Variants in CLIP1 observed in about 807,000 individuals in gnomAD.
The protein encoded by CLIP1 is CAP-Gly domain containing linker protein 1.
Under a neutral mutation model 161.6 loss-of-function variants are expected in CLIP1, and 66 were observed. The ratio of observed to expected loss-of-function variants is 0.41; its 90% CI spans 0.33 to 0.50. The LOEUF is 0.50. Among genes scored for constraint, CLIP1 ranks in the 20% least tolerant of loss-of-function variants. The pLI is 0.27. For missense variants in CLIP1, 1,376 were observed against 1,702.0 expected (o/e 0.81, Z 3.37); for synonymous variants, 598 against 626.2 (o/e 0.96, Z 0.67).
rs1466119431 is a variant in CLIP1, at chr12:122,272,830, A to C, written c.*45T>G. On this transcript the variant is annotated 3_prime_UTR_variant, in exon 26 of 26. Coordinates refer to ENST00000620786, the MANE Select transcript of CLIP1 (RefSeq NM_001247997.2). Reference sequence around the variant, plus strand: ...ACAATGCTGGTGTTACGTTGTGTCAATGCGAGTGCGTCTGAGCAAGCCCAG... The same window carrying C: ...ACAATGCTGGTGTTACGTTGTGTCACTGCGAGTGCGTCTGAGCAAGCCCAG... 3 of 1,527,696 alleles carry C rather than the reference A, an allele frequency of 2.0e-6. No individual in the cohort carries two copies. The highest frequency in any genetic ancestry group is 1.4e-5 in the African/African-American group (1 of 73,172). The allele number at this position is 1,527,696 out of a possible 1,614,324, so 94.6% of individuals were successfully genotyped here.
chr12:122,296,222 G>C (rs1412252533), intron 20 of CLIP1, among the ~76,000 whole-genome samples: 1 of 152,164 alleles, frequency 6.6e-6, no homozygotes, highest in African/African-American at 2.4e-5. Context: ...GACTATAAAG[G>C]AGGATAAGAG....
intron 1 of CLIP1, among the ~76,000 whole-genome samples, chr12:122,390,594 G>A (rs941858895): frequency 1.1e-4 from 16 of 151,920 alleles, no homozygotes; most frequent in Admixed American, 2.0e-4. Context: ...TTACAGGTGT[G>A]AGCCACTGCA....
At chr12:122,401,007 G>A (rs917269706) in intron 1 of CLIP1, 1 of 151,954 alleles carries the variant, frequency 6.6e-6, no homozygotes, top group Non-Finnish European at 1.5e-5. Flanking sequence ...CGCCTCTCGG[G>A]TTTAAGCAAT....
intron 1 of CLIP1, among the ~76,000 whole-genome samples, chr12:122,389,096 C>A (rs963698594): frequency 4.6e-5 from 7 of 152,128 alleles, no homozygotes; most frequent in African/African-American, 1.7e-4. Flanking sequence ...GGCTCAAGGG[C>A]AAACTCAGGC....
At chr12:122,303,997 G>C (rs941942887) in intron 20 of CLIP1, among the ~76,000 whole-genome samples, 1 of 152,168 alleles carries the variant, frequency 6.6e-6, no homozygotes, top group Non-Finnish European at 1.5e-5. Context: ...GGGGGTACCC[G>C]CCCGGACTGC....
intron 3 of CLIP1, among the ~76,000 whole-genome samples, chr12:122,368,790 G>A (rs1954287902): frequency 6.6e-6 from 1 of 151,844 alleles, no homozygotes; most frequent in South Asian, 2.1e-4. Flanking sequence ...AATTAGTCGG[G>A]CATGGTGGCA....
rs1437033925 is a variant in CLIP1, at chr12:122,279,095, T to G, written c.3698A>C (p.Lys1233Thr). The G allele has an allele frequency of 1.9e-6, 3 of 1,613,124 alleles. No individual in the cohort carries two copies. The highest frequency in any genetic ancestry group is 2.5e-6 in the Non-Finnish European group (3 of 1,179,804). ...DADEEKASLQ[K>T]SISITSALLT... ...TAAGGCACTAGTTATACTGATGGAT[T>G]TCTGCAAGGAAGCTTTCTCTTCATC... The change falls in exon 22 of 26, where the codon AAA becomes ACA. Residue 1233 changes from lysine (K) to threonine (T), a missense_variant. Physicochemically the swap from Lys to Thr is moderately conservative, Grantham distance 78. Coordinates refer to ENST00000620786, the MANE Select transcript of CLIP1 (RefSeq NM_001247997.2). This position sits in a 1 kb window ranked among gnomAD's most constrained non-coding sequence, Gnocchi z 4.5.
chr12:122,314,350 A>T (rs1046653693), intron 19 of CLIP1, among the ~76,000 whole-genome samples: 1 of 151,876 alleles, frequency 6.6e-6, no homozygotes, highest in African/African-American at 2.4e-5. Flanking sequence ...GCGCGCCTGT[A>T]ATCTCAGCTA....
At chr12:122,277,718 T>C (rs1955486604) in intron 24 of CLIP1, 1 of 155,066 alleles carries the variant, frequency 6.4e-6, no homozygotes, top group South Asian at 2.0e-4. Context: ...CATCCCAGTG[T>C]CATTGTCAAC....
chr12:122,369,475 G>A (rs992859044), intron 3 of CLIP1, among the ~76,000 whole-genome samples: 1 of 151,692 alleles, frequency 6.6e-6, no homozygotes, highest in South Asian at 2.1e-4. Context: ...ATAAAGTGAC[G>A]ACTGTATTCA....
intron 19 of CLIP1, among the ~76,000 whole-genome samples, chr12:122,313,559 T>A (rs1163639917): frequency 6.6e-6 from 1 of 151,896 alleles, no homozygotes; most frequent in African/African-American, 2.4e-5. Context: ...AAACCCCGTC[T>A]CTACTAAAAA....
chr12:122,416,110 C>A (rs1019703427), intron 1 of CLIP1, among the ~76,000 whole-genome samples: 1 of 149,296 alleles, frequency 6.7e-6, no homozygotes, highest in African/African-American at 2.5e-5. Flanking sequence ...TGGTGGCAGG[C>A]GCCTGTAATC....
Position 122,337,673 on chromosome 12 carries a change from G to A in CLIP1, c.2452-925C>T, listed in dbSNP as rs114502474. The stretch of plus-strand genomic sequence containing the variant: ...CAGCATGATCTAAAGCAGAAGGTGT[G>A]GATGCTTACTTTCTAAATGAGCTAC... On this transcript the variant is annotated intron_variant, in intron 11 of 25. Transcript: ENST00000620786. Among the ~76,000 whole-genome samples the A allele has an allele frequency of 3.5e-3, 538 of 152,126 alleles. 1 individual carries two copies. Among genetic ancestry groups the A allele is most frequent in the African/African-American group, 0.012 (506 of 41,496 alleles).
intron 1 of CLIP1, among the ~76,000 whole-genome samples, chr12:122,383,080 G>T (rs553766381): frequency 6.6e-6 from 1 of 152,108 alleles, no homozygotes; most frequent in African/African-American, 2.4e-5. Flanking sequence ...CCATGTCTAC[G>T]TCCATAAAAT....
At chr12:122,345,663 T>C (rs952440035) in intron 10 of CLIP1, among the ~76,000 whole-genome samples, 3 of 152,188 alleles carry the variant, frequency 2.0e-5, no homozygotes, top group African/African-American at 7.2e-5. Flanking sequence ...CAAATTTGAT[T>C]AGAGACAGAG....
intron 1 of CLIP1, among the ~76,000 whole-genome samples, chr12:122,390,221 T>TACACACATATATAC (rs1374962860): frequency 7.7e-6 from 1 of 130,122 alleles, no homozygotes; most frequent in African/African-American, 2.9e-5. Context: ...CACATATATA[T>TACACACATATATAC]ACACACATAT....
At chr12:122,408,812 AT>A (rs57235489) in intron 1 of CLIP1, among the ~76,000 whole-genome samples, 4 of 150,022 alleles carry the variant, frequency 2.7e-5, no homozygotes, top group African/African-American at 9.8e-5. Flanking sequence ...GCACCTTGAT[AT>A]TTTTTTTATT....
chr12:122,278,656 G>T, intron 23 of CLIP1, 136 bp downstream of exon 23: 1 of 908,434 alleles, frequency 1.1e-6, no homozygotes, highest in Non-Finnish European at 1.6e-6. Context: ...GCCCTTGATT[G>T]ATTAAGTGGT....
At chr12:122,347,619 G>A (rs1216893503) in intron 9 of CLIP1, 140 bp from the exon 10 acceptor site, 2 of 651,540 alleles carry the variant, frequency 3.1e-6, no homozygotes, top group Non-Finnish European at 5.6e-6. Context: ...GAGAAGGGAA[G>A]AGGTGGAGGT....
Sources: gnomAD v4.1 joint callset for allele counts (sites outside exome capture counted in the v4.1 genomes callset) on GRCh38, gnomAD v4.1.1 for gene constraint, Gnocchi (gnomAD v3.1) non-coding constraint, MANE v1.5 for transcripts, NCBI Gene and HGNC (gene_info 2026-07-23, HGNC 2026-07-21) for gene names.